Variants in PRDM5 observed in about 807,000 individuals in gnomAD.
PRDM5 encodes the protein PR/SET domain 5, also known as PR domain zinc finger protein 5.
A neutral mutation model predicts 81.2 loss-of-function variants in PRDM5; 56 were observed. The observed-to-expected ratio is 0.69, with a 90% confidence interval of 0.56 to 0.86. The LOEUF (loss-of-function observed/expected upper bound fraction) is 0.86, where lower values mean the gene tolerates loss of function less well. Ranked by LOEUF, PRDM5 falls within the 40% of genes least tolerant of loss-of-function variation. PRDM5 has a pLI of 0.00. For synonymous variants in PRDM5, 267 were observed against 256.4 expected, an observed-to-expected ratio of 1.04 and a Z score of -0.39; for missense variants, 697 against 770.1, an observed-to-expected ratio of 0.91 and a Z score of 1.12.
intron 3 of PRDM5, among the ~76,000 whole-genome samples, chr4:120,826,385 G>T (rs901000137): frequency 1.3e-5 from 2 of 152,008 alleles, no homozygotes; most frequent in Non-Finnish European, 2.9e-5. Flanking sequence ...ATTCATGTAG[G>T]AACTTTTAAT....
intron 3 of PRDM5, among the ~76,000 whole-genome samples, chr4:120,822,667 G>C (rs1256236785): frequency 6.6e-6 from 1 of 152,124 alleles, no homozygotes; most frequent in Non-Finnish European, 1.5e-5. Flanking sequence ...CATTGTCTTA[G>C]TTTGGGAGGG....
chr4:120,796,399 T>G (rs1481423327), intron 10 of PRDM5, among the ~76,000 whole-genome samples: 1 of 152,224 alleles, frequency 6.6e-6, no homozygotes, highest in East Asian at 1.9e-4. Context: ...CATTATTACT[T>G]TTATATGATT....
chr4:120,847,275 T>A (rs752414432), intron 3 of PRDM5, among the ~76,000 whole-genome samples: 1 of 152,118 alleles, frequency 6.6e-6, no homozygotes, highest in Non-Finnish European at 1.5e-5. Flanking sequence ...GAACGTTATT[T>A]CCAAGATTAG....
At chr4:120,712,586 T>C (rs1737169355) in intron 14 of PRDM5, among the ~76,000 whole-genome samples, 1 of 152,158 alleles carries the variant, frequency 6.6e-6, no homozygotes, top group South Asian at 2.1e-4. Flanking sequence ...CCCTTGCCTT[T>C]CTCTACATTG....
rs923896192 is a variant in PRDM5, at chr4:120,694,392, A to G, written c.*719T>C. On this transcript the variant is annotated 3_prime_UTR_variant, in exon 16 of 16. Coordinates refer to ENST00000264808, the MANE Select transcript of PRDM5 (RefSeq NM_018699.4). Reference sequence around the variant, plus strand: ...ATGGTCATTTTTGTGTAGAACTTATAAAAGTATTCCAGACCATGAATGTCT... The same window carrying G: ...ATGGTCATTTTTGTGTAGAACTTATGAAAGTATTCCAGACCATGAATGTCT... 6.6e-6 allele frequency: 1 copy of G among 152,112 alleles called. No homozygotes were observed. Among genetic ancestry groups the G allele is most frequent in the African/African-American group, 2.4e-5 (1 of 41,438 alleles). 9.4% of individuals were successfully genotyped at this position (152,112 alleles called of 1,614,324 possible). A position where few individuals can be genotyped will look rare whatever the true frequency, so the allele number is the denominator to read the frequency against.
At chr4:120,829,629 G>A (rs1244144443) in intron 3 of PRDM5, among the ~76,000 whole-genome samples, 1 of 151,978 alleles carries the variant, frequency 6.6e-6, no homozygotes, top group African/African-American at 2.4e-5. Context: ...TCTGTATGTC[G>A]CTTAACTCAG....
At position 120,803,771 on chromosome 4, in the gene PRDM5, G is replaced by A. The variant is rs566105717; in HGVS notation, c.946-4026C>T. The stretch of plus-strand genomic sequence containing the variant: ...AACATGCCAAATTGTAAAGACCATC[G>A]ATGCTAGGAAGAAACTGCATCAACT... On this transcript the variant is annotated intron_variant, in intron 8 of 15. Coordinates refer to ENST00000264808, the MANE Select transcript of PRDM5 (RefSeq NM_018699.4). Among the ~76,000 whole-genome samples, 32 of 152,244 alleles carry A rather than the reference G, an allele frequency of 2.1e-4. No homozygotes were observed. The South Asian group carries it at 3.1e-3, about 15-fold the overall frequency.
chr4:120,690,084 T>C (rs948111367), downstream of PRDM5, among the ~76,000 whole-genome samples: 2 of 152,156 alleles, frequency 1.3e-5, no homozygotes, highest in Non-Finnish European at 2.9e-5. Flanking sequence ...TCATTAACAT[T>C]TAGTTTCCAA....
At chr4:120,808,170 C>A (rs951571176) in intron 8 of PRDM5, among the ~76,000 whole-genome samples, 5 of 152,226 alleles carry the variant, frequency 3.3e-5, no homozygotes, top group African/African-American at 1.2e-4. Flanking sequence ...CTGGCTGGGG[C>A]AGCCTGCTTT....
intron 2 of PRDM5, 91 bp downstream of exon 2, chr4:120,907,383 T>A: frequency 9.5e-7 from 1 of 1,054,384 alleles, no homozygotes. Context: ...AATACTTAAC[T>A]GGAATCAATA....
intron 1 of PRDM5, among the ~76,000 whole-genome samples, chr4:120,921,500 T>C (rs562580823): frequency 5.3e-5 from 8 of 152,282 alleles, no homozygotes; most frequent in African/African-American, 1.7e-4. Flanking sequence ...ACCAGCTCTT[T>C]AGGTCAGAGG....
intron 2 of PRDM5, among the ~76,000 whole-genome samples, chr4:120,867,756 A>G (rs1277121201): frequency 6.6e-6 from 1 of 152,226 alleles, no homozygotes; most frequent in Non-Finnish European, 1.5e-5. Flanking sequence ...ACCCTTTAAA[A>G]TAAGTCATCT....
chr4:120,918,635 ATTTTTTTT>A (rs534148936), intron 1 of PRDM5, among the ~76,000 whole-genome samples: 1 of 110,736 alleles, frequency 9.0e-6, no homozygotes, highest in Non-Finnish European at 1.8e-5. Flanking sequence ...TACGTCAGGT[ATTTTTTTT>A]TTTTTTTTTT....
At chr4:120,706,779 C>A (rs1736230975) in intron 15 of PRDM5, among the ~76,000 whole-genome samples, 1 of 143,874 alleles carries the variant, frequency 7.0e-6, no homozygotes, top group South Asian at 2.2e-4. Flanking sequence ...TATATATATG[C>A]CCATTTTATC....
intron 13 of PRDM5, chr4:120,762,416 T>A (rs1278014161): frequency 6.6e-6 from 1 of 152,176 alleles, no homozygotes; most frequent in Non-Finnish European, 1.5e-5. Context: ...TTAAAATATA[T>A]GTATTATATG....
chr4:120,911,818 A>C (rs547172358), intron 1 of PRDM5, among the ~76,000 whole-genome samples: 24 of 152,216 alleles, frequency 1.6e-4, no homozygotes, highest in Non-Finnish European at 3.1e-4. Flanking sequence ...TGATTGAAAC[A>C]CATTAACAAA....
intron 3 of PRDM5, among the ~76,000 whole-genome samples, chr4:120,849,520 GACCCAAATGTTTTT>G (rs749928950): frequency 5.3e-5 from 8 of 152,082 alleles, no homozygotes; most frequent in East Asian, 1.9e-4. Flanking sequence ...AGTGCACCAG[GACCCAAATGTTTTT>G]ACCCAAATGT....
chr4:120,804,416 T>C (rs1024014433), intron 8 of PRDM5, among the ~76,000 whole-genome samples: 3 of 152,130 alleles, frequency 2.0e-5, no homozygotes, highest in African/African-American at 7.2e-5. Context: ...AGCACCACAT[T>C]GCACTTATTC....
chr4:120,835,314 A>G (rs1757216734), intron 3 of PRDM5, among the ~76,000 whole-genome samples: 1 of 152,222 alleles, frequency 6.6e-6, no homozygotes, highest in Non-Finnish European at 1.5e-5. Flanking sequence ...GACCTAGTCT[A>G]GAGTTCAAAT....
Sources: allele counts gnomAD v4.1 joint callset (sites outside exome capture counted in the v4.1 genomes callset), GRCh38; gene constraint gnomAD v4.1.1; transcripts MANE v1.5; gene names NCBI Gene and HGNC (gene_info 2026-07-23, HGNC 2026-07-21).